PSMD3: variants seen among roughly 807,000 people sequenced by gnomAD.
PSMD3 encodes 26S proteasome non-ATPase regulatory subunit 3.
In PSMD3, 5 loss-of-function variants were observed where a neutral mutation model predicts 62.8. The observed-to-expected ratio is 0.08, with a 90% CI of 0.04 to 0.17. PSMD3 has a LOEUF of 0.17. Ranked by LOEUF, PSMD3 falls within the 10% of genes least tolerant of loss-of-function variation. PSMD3 has a pLI of 1.00. For synonymous variants in PSMD3, 265 were observed against 283.9 expected (o/e 0.93, Z 0.67); for missense variants, 524 against 713.6 (o/e 0.73, Z 3.03).
chr17:39,986,167 C>T (rs1239040814), intron 2 of PSMD3, among the ~76,000 whole-genome samples: 1 of 152,164 alleles, frequency 6.6e-6, no homozygotes, highest in African/African-American at 2.4e-5. Flanking sequence ...ACACTTATGG[C>T]CCAGTGCAGG....
Position 39,981,005 on chromosome 17 carries a change from C to A in PSMD3, c.35C>A (p.Ala12Glu). 1 of 1,547,696 alleles carries A rather than the reference C, an allele frequency of 6.5e-7. No individual in the cohort carries two copies. ...KQEGSARRRG[A>E]DKAKPPPGGG... ...GAGGGCTCGGCGCGGCGCCGCGGCG[C>A]GGACAAGGCGAAACCGCCGCCCGGC... Residue 12 changes from alanine to glutamate, a missense_variant, in exon 1 of 12, where the codon GCG becomes GAG. Transcript: ENST00000264639.
At chr17:39,990,227 CTCT>C (rs1490009895) in intron 6 of PSMD3, 30 bp downstream of exon 6, 8 of 1,381,312 alleles carry the variant, frequency 5.8e-6, no homozygotes, top group Non-Finnish European at 7.8e-6. Context: ...ATCCCTTTGC[CTCT>C]TTTTTTTTTT....
At position 39,997,691 on chromosome 17, in the gene PSMD3, A is replaced by C. The variant is rs2144818953; in HGVS notation, c.*110A>C. 7.8e-7 allele frequency: 1 copy of C among 1,275,052 alleles called. No individual in the cohort carries two copies. The highest frequency in any genetic ancestry group is 1.1e-6 in the Non-Finnish European group (1 of 903,798). The allele number at this position is 1,275,052 out of a possible 1,614,324, so 79.0% of individuals were successfully genotyped here. On this transcript the variant is annotated 3_prime_UTR_variant, in exon 12 of 12. Transcript: ENST00000264639. ...TTCCCACACACAGCTCATATGCTGC[A>C]TTCGTGCAGGGGGTGGGGGTGCTGG...
rs1215381552 is a variant in PSMD3, at chr17:39,997,511, G to A, written c.1535G>A (p.Arg512His). 1 of 1,614,028 alleles carries A rather than the reference G, an allele frequency of 6.2e-7. No individual in the cohort carries two copies. Residue 512 changes from arginine to histidine, a missense_variant, in exon 12 of 12, where the codon CGT becomes CAT. Around this residue, in one of 4 missense-constraint regions of PSMD3, gnomAD observed 20 missense variants for 55.1 expected, o/e 0.36. Coordinates refer to ENST00000264639, the MANE Select transcript of PSMD3 (RefSeq NM_002809.4). Reference protein sequence around the residue: ...NKDLESAEERREREQQDLEFA... With the variant: ...NKDLESAEERHEREQQDLEFA... ...ACTTGCCTCTCTCCCCAGGAACGGC[G>A]TGAGCGAGAACAGCAGGACTTGGAG...
chr17:39,988,889 T>TG (rs1348388740), intron 4 of PSMD3, 70 bp downstream of exon 4: 64 of 1,572,096 alleles, frequency 4.1e-5, no homozygotes, highest in Non-Finnish European at 5.2e-5. Context: ...AGCACACAGC[T>TG]GTGGATCTGC....
Position 39,996,133 on chromosome 17 carries a change from AAAG to A in PSMD3, c.1321-43_1321-41del, listed in dbSNP as rs771341671. On this transcript the variant is annotated intron_variant, in intron 9 of 11. Transcript: ENST00000264639. This position sits in a 1 kb window ranked among gnomAD's most constrained non-coding sequence, Gnocchi z 5.1. ...GAGACTCCATCTCAAAAAAAAAAAA[AAAG>A]AAGAAGCTGGGTGTGCTGGTGAACT... is the stretch of plus-strand genomic sequence containing the variant. 2,661 of 1,603,624 alleles carry A rather than the reference AAAG, an allele frequency of 1.7e-3. No homozygotes were observed. Among genetic ancestry groups the A allele is most frequent in the Non-Finnish European group, 2.1e-3 (2,483 of 1,175,168 alleles).
chr17:39,992,024 C>CAAAAAAAAAAAAAAACAAAAAAA (rs59894264), intron 6 of PSMD3, among the ~76,000 whole-genome samples: 1 of 102,108 alleles, frequency 9.8e-6, no homozygotes, highest in Non-Finnish European at 2.1e-5. Flanking sequence ...GACTCTGTCT[C>CAAAAAAAAAAAAAAACAAAAAAA]AAAAAAAAAC....
chr17:39,981,648 G>C (rs1405979889), intron 1 of PSMD3, among the ~76,000 whole-genome samples: 1 of 152,130 alleles, frequency 6.6e-6, no homozygotes, highest in Non-Finnish European at 1.5e-5. Context: ...TGTTGTCCTA[G>C]CTGCCTTTAG....
chr17:39,982,599 C>T (rs183269615), intron 1 of PSMD3, among the ~76,000 whole-genome samples: 15 of 152,312 alleles, frequency 9.8e-5, no homozygotes, highest in African/African-American at 3.6e-4. Flanking sequence ...AATTAGTTCC[C>T]TCATCTGTAT....
intron 10 of PSMD3, 41 bp from the exon 11 acceptor site, chr17:39,997,289 C>T (rs764801388): frequency 1.2e-6 from 2 of 1,602,356 alleles, no homozygotes; most frequent in Admixed American, 3.3e-5. Flanking sequence ...GCCTCACCTG[C>T]TTCCTTCCCT....
At chr17:39,994,533 C>A in intron 6 of PSMD3, 1 of 221,978 alleles carries the variant, frequency 4.5e-6, no homozygotes, top group South Asian at 7.0e-5. Context: ...TGATGACCTC[C>A]TCTCCTCTAG....
intron 3 of PSMD3, among the ~76,000 whole-genome samples, chr17:39,988,241 C>T (rs967312520): frequency 2.6e-5 from 4 of 152,210 alleles, no homozygotes; most frequent in Non-Finnish European, 5.9e-5. Context: ...TTTCATTTTC[C>T]CCTTACCCAG....
Position 39,995,512 on chromosome 17 carries a change from G to A in PSMD3, c.1305G>A (p.Glu435=). 1 of 1,613,608 alleles carries A rather than the reference G, an allele frequency of 6.2e-7. No individual in the cohort carries two copies. The change falls in exon 9 of 12, where the codon GAG becomes GAA. Residue 435 remains glutamate, a synonymous_variant. Coordinates refer to ENST00000264639, the MANE Select transcript of PSMD3 (RefSeq NM_002809.4). The surrounding 1 kb of genome is among the most constrained non-coding windows in gnomAD (Gnocchi z 4.1). The part of the protein sequence containing the change: ...KLQLDSPEDA[E]FIVAKAIRDG... ...AGTTGGATAGCCCCGAAGATGCAGA[G>A]TTCATTGTTGCCAAGGTGGGGCTGG...
At position 39,984,409 on chromosome 17, in the gene PSMD3, T is replaced by C. The variant is rs1361782807; in HGVS notation, c.336T>C (p.Val112=). ...PSTSRRLNHY[V]LYKAVQGFFT... ...CATCACGCCGCCTCAACCACTATGTTCTGTATAAGGCTGTGCAGGGCTTCT... is the reference window on the plus strand; with the variant it reads ...CATCACGCCGCCTCAACCACTATGTCCTGTATAAGGCTGTGCAGGGCTTCT... Residue 112 remains valine, a synonymous_variant, in exon 2 of 12, where the codon GTT becomes GTC. Coordinates refer to ENST00000264639, the MANE Select transcript of PSMD3 (RefSeq NM_002809.4). 5.0e-6 allele frequency: 8 copies of C among 1,613,704 alleles called. No homozygotes were observed. Among genetic ancestry groups the C allele is most frequent in the Non-Finnish European group, 5.9e-6 (7 of 1,180,028 alleles).
In PSMD3 at chr17:39,989,904, G is replaced by A. The variant is rs1568137800; in HGVS notation, c.852G>A (p.Glu284=). Residue 284 remains glutamate, a synonymous_variant, in exon 5 of 12, where the codon GAG becomes GAA. Coordinates refer to ENST00000264639, the MANE Select transcript of PSMD3 (RefSeq NM_002809.4). ...SVFPEQANNN[E]WARYLYYTGR... is the part of the protein sequence containing the mutation. ...TCCCAGAGCAGGCCAACAACAATGAGTGGGCCAGGTACCTCTACTACACAG... is the reference window on the plus strand; with the variant it reads ...TCCCAGAGCAGGCCAACAACAATGAATGGGCCAGGTACCTCTACTACACAG... 1.2e-6 allele frequency: 2 copies of A among 1,614,024 alleles called. No homozygotes were observed. The highest frequency in any genetic ancestry group is 1.7e-6 in the Non-Finnish European group (2 of 1,179,940).
chr17:39,993,351 T>C (rs1980704360), intron 6 of PSMD3: 1 of 152,184 alleles, frequency 6.6e-6, no homozygotes, highest in Non-Finnish European at 1.5e-5. Context: ...AACATGAACT[T>C]GAGGGGGATG....
At chr17:39,991,688 C>CAG (rs1324460841) in intron 6 of PSMD3, among the ~76,000 whole-genome samples, 6 of 152,038 alleles carry the variant, frequency 3.9e-5, no homozygotes, top group Non-Finnish European at 8.8e-5. Flanking sequence ...TATTTCTGTT[C>CAG]AGAAGTTCAG....
chr17:39,986,726 A>G lies in PSMD3; in HGVS notation c.549+14A>G, dbSNP rs376303315. 9.3e-5 allele frequency: 150 copies of G among 1,613,802 alleles called. No homozygotes were observed. In the African/African-American group the frequency reaches 1.9e-3, roughly 20 times the overall value. On this transcript the variant is annotated intron_variant, in intron 3 of 11. Transcript: ENST00000264639. ...CGCTACAAAGAGGTATCCAGGATGCAGTGAGAGCGATTCATAAGCCCCAAG... is the reference window on the plus strand; with the variant it reads ...CGCTACAAAGAGGTATCCAGGATGCGGTGAGAGCGATTCATAAGCCCCAAG...
rs773967355 is a variant in PSMD3 at position 39,996,514 on chromosome 17, T to C, written c.1476+176T>C. 2.0e-5 allele frequency among the ~76,000 whole-genome samples: 3 copies of C among 152,168 alleles called. No homozygotes were observed. Among genetic ancestry groups the C allele is most frequent in the Non-Finnish European group, 2.9e-5 (2 of 68,020 alleles). On this transcript the variant is annotated intron_variant, in intron 10 of 11. Transcript: ENST00000264639. This position sits in a 1 kb window ranked among gnomAD's most constrained non-coding sequence, Gnocchi z 5.1. ...AATGGGGAGGGGACTTGGCCATAGT[T>C]CCATAGCCAGTTGCCCTCTCCTATT...
Sources: gnomAD v4.1 joint callset for allele counts (sites outside exome capture counted in the v4.1 genomes callset) on GRCh38, gnomAD v4.1.1 for gene constraint, gnomAD v4.1.1 regional missense constraint, Gnocchi (gnomAD v3.1) non-coding constraint, MANE v1.5 for transcripts, NCBI Gene and HGNC (gene_info 2026-07-23, HGNC 2026-07-21) for gene names.